The following CHODL variants were observed in gnomAD, a reference collection of about 807,000 sequenced individuals.
CHODL encodes chondrolectin.
CHODL carries 29 observed loss-of-function variants against 34.5 expected under a neutral mutation model. The observed-to-expected ratio is 0.84, with a 90% CI of 0.63 to 1.15. The LOEUF is 1.15. CHODL is among the 50% of genes most tolerant of loss of function. The pLI, the probability that CHODL is intolerant of heterozygous loss-of-function variation, is 0.00. For synonymous variants in CHODL, 125 were observed against 116.1 expected, an observed-to-expected ratio of 1.08 and a Z score of -0.49; for missense variants, 332 against 332.5, an observed-to-expected ratio of 1.00 and a Z score of 0.01.
intron 2 of CHODL, among the ~76,000 whole-genome samples, chr21:18,032,809 C>T (rs1404026847): frequency 2.0e-5 from 3 of 152,006 alleles, no homozygotes; most frequent in Non-Finnish European, 4.4e-5. Context: ...CTCTATTGTT[C>T]ACCTGGTGCT....
intron 2 of CHODL, among the ~76,000 whole-genome samples, chr21:18,043,419 C>G (rs917511595): frequency 2.6e-5 from 4 of 151,912 alleles, no homozygotes; most frequent in African/African-American, 7.2e-5. Context: ...TTCTTGCTGC[C>G]TTATTTTCAT....
chr21:18,112,224 TA>T (rs943921619), intron 2 of CHODL, among the ~76,000 whole-genome samples: 1 of 151,992 alleles, frequency 6.6e-6, no homozygotes, highest in Non-Finnish European at 1.5e-5. Context: ...TAAGGCTTTA[TA>T]AAAAAGTGAT....
chr21:18,028,279 C>T (rs868425203), intron 2 of CHODL, among the ~76,000 whole-genome samples: 747 of 54,476 alleles, frequency 0.014, 37 homozygotes, highest in African/African-American at 0.048. Flanking sequence ...TCCTTTTCCC[C>T]TTCCTTCCTT....
intron 2 of CHODL, among the ~76,000 whole-genome samples, chr21:18,119,479 A>G (rs1181867333): frequency 6.6e-6 from 1 of 152,112 alleles, no homozygotes; most frequent in Non-Finnish European, 1.5e-5. Context: ...ACTCCAATAA[A>G]GGGGTTGCTT....
chr21:18,014,551 G>C (rs940024786), intron 1 of CHODL, among the ~76,000 whole-genome samples: 1 of 152,156 alleles, frequency 6.6e-6, no homozygotes, highest in African/African-American at 2.4e-5. Context: ...CCCAGTGCTG[G>C]AAGTGGGGCC....
At chr21:17,943,539 G>A (rs1175929345) in intron 1 of CHODL, among the ~76,000 whole-genome samples, 2 of 152,216 alleles carry the variant, frequency 1.3e-5, no homozygotes, top group African/African-American at 4.8e-5. Flanking sequence ...GACCAGGATG[G>A]TGAAGTAAGA....
At chr21:18,041,033 T>C (rs562076322) in intron 2 of CHODL, among the ~76,000 whole-genome samples, 1 of 152,084 alleles carries the variant, frequency 6.6e-6, no homozygotes, top group African/African-American at 2.4e-5. Flanking sequence ...AGCTTGCTTT[T>C]ATTGTGATTA....
At chr21:17,946,467 C>T (rs1276047551) in intron 1 of CHODL, among the ~76,000 whole-genome samples, 1 of 152,116 alleles carries the variant, frequency 6.6e-6, no homozygotes, top group Non-Finnish European at 1.5e-5. Context: ...ATCTGACTTA[C>T]AAGAAATGTT....
chr21:18,232,250 A>T (rs2073986595), intron 2 of CHODL, among the ~76,000 whole-genome samples: 1 of 152,100 alleles, frequency 6.6e-6, no homozygotes, highest in African/African-American at 2.4e-5. Flanking sequence ...TGCTAATTAT[A>T]CTGATTTCTT....
chr21:18,136,627 G>A (rs77999380), intron 2 of CHODL, among the ~76,000 whole-genome samples: 12,115 of 150,014 alleles, frequency 0.081, 610 homozygotes, highest in Middle Eastern at 0.2. Context: ...GTGTGCGTGC[G>A]CACACACATA....
intron 1 of CHODL, among the ~76,000 whole-genome samples, chr21:17,969,791 A>C (rs1354224441): frequency 2.6e-5 from 4 of 152,208 alleles, no homozygotes; most frequent in African/African-American, 9.6e-5. Context: ...ATAGATTATA[A>C]GCTTCAATGT....
chr21:18,263,350 A>G (rs2074405502), intron 5 of CHODL, among the ~76,000 whole-genome samples: 2 of 152,204 alleles, frequency 1.3e-5, no homozygotes, highest in Non-Finnish European at 2.9e-5. Flanking sequence ...AATTCAAGTC[A>G]CAGGTTTCTG....
At chr21:18,083,710 A>T (rs1288737187) in intron 2 of CHODL, among the ~76,000 whole-genome samples, 3 of 152,162 alleles carry the variant, frequency 2.0e-5, no homozygotes, top group African/African-American at 4.8e-5. Flanking sequence ...TGGGCTTTGG[A>T]CTTGCATGGG....
rs140585408 is a variant in CHODL at position 18,082,745 on chromosome 21, G to T, written c.-45+54774G>T. Among the ~76,000 whole-genome samples, 47 of 152,254 alleles carry T rather than the reference G, an allele frequency of 3.1e-4. No individual in the cohort carries two copies. The East Asian group carries it at 8.5e-3, about 28-fold the overall frequency. Reference sequence around the variant, plus strand: ...TTGAACTTGAGAGAGAGAATTTAAGGTATCTGGCAGAAGAAATTTCGAAGT... The same window carrying T: ...TTGAACTTGAGAGAGAGAATTTAAGTTATCTGGCAGAAGAAATTTCGAAGT... On this transcript the variant is annotated intron_variant, in intron 2 of 6. Coordinates refer to the CHODL transcript ENST00000400127.
intron 2 of CHODL, among the ~76,000 whole-genome samples, chr21:18,194,371 A>T (rs892333555): frequency 2.0e-5 from 3 of 152,128 alleles, no homozygotes; most frequent in Non-Finnish European, 2.9e-5. Context: ...CTAGGTCTCC[A>T]TGCTTCAGCC....
chr21:18,102,667 A>G (rs2065229775), intron 2 of CHODL, among the ~76,000 whole-genome samples: 1 of 152,176 alleles, frequency 6.6e-6, no homozygotes, highest in Non-Finnish European at 1.5e-5. Flanking sequence ...GCTCTTTATA[A>G]TTGTCTAACC....
In CHODL at chr21:17,987,381, T is replaced by C. The variant is rs1346113236; in HGVS notation, c.-144-40491T>C. On this transcript the variant is annotated intron_variant, in intron 1 of 6. Coordinates refer to the CHODL transcript ENST00000400127. ...TAATCATCAGAATATTGAATACTTA[T>C]TCAATACTGCATTTTCTAAAAAATA... Among the ~76,000 whole-genome samples the C allele has an allele frequency of 6.6e-5, 10 of 152,340 alleles. No individual in the cohort carries two copies. In the South Asian group the frequency reaches 2.1e-3, roughly 32 times the overall value.
intron 2 of CHODL, among the ~76,000 whole-genome samples, chr21:18,117,364 T>A (rs951601946): frequency 1.3e-5 from 2 of 152,166 alleles, no homozygotes; most frequent in African/African-American, 4.8e-5. Flanking sequence ...TGGGAAGTAC[T>A]GTGGTTTAAG....
intron 2 of CHODL, among the ~76,000 whole-genome samples, chr21:18,117,687 A>G (rs1339101261): frequency 6.6e-6 from 1 of 151,152 alleles, no homozygotes; most frequent in Non-Finnish European, 1.5e-5. Context: ...CTTTAATTAA[A>G]TAAGAATAAA....
Sources: allele counts gnomAD v4.1 joint callset (sites outside exome capture counted in the v4.1 genomes callset), GRCh38; gene constraint gnomAD v4.1.1; transcripts MANE v1.5; gene names NCBI Gene and HGNC (gene_info 2026-07-23, HGNC 2026-07-21).